The following ADGRL3 variants were observed in gnomAD, a reference collection of about 807,000 sequenced individuals.
ADGRL3 encodes calcium-independent alpha-latrotoxin receptor 3.
In ADGRL3, 62 loss-of-function variants were observed where a neutral mutation model predicts 153.5. The observed-to-expected ratio is 0.40, with a 90% CI of 0.33 to 0.50. The LOEUF is 0.50. Among genes scored for constraint, ADGRL3 ranks in the 20% least tolerant of loss-of-function variants. The probability of loss-of-function intolerance (pLI) is 0.47; values close to 1 mark genes in which losing one functional copy is unlikely to be tolerated. For missense variants in ADGRL3, 1,641 were observed against 1,859.4 expected (o/e 0.88, Z 2.16); for synonymous variants, 710 against 672.5 (o/e 1.06, Z -0.86).
intron 22 of ADGRL3, 30 bp from the exon 23 acceptor site, chr4:62,031,412 A>G (rs373820981): frequency 5.9e-6 from 9 of 1,536,150 alleles, no homozygotes; most frequent in Non-Finnish European, 7.9e-6. Flanking sequence ...CAATTATTTA[A>G]TAACCCTTAA....
intron 17 of ADGRL3, among the ~76,000 whole-genome samples, chr4:61,961,024 A>C (rs2098985912): frequency 6.6e-6 from 1 of 152,164 alleles, no homozygotes; most frequent in Non-Finnish European, 1.5e-5. Flanking sequence ...TTACATTAAA[A>C]TAAATCTGTA....
At chr4:62,051,168 G>GTATATATATATATATA in intron 25 of ADGRL3, among the ~76,000 whole-genome samples, 1 of 139,164 alleles carries the variant, frequency 7.2e-6, no homozygotes, top group South Asian at 2.3e-4. Flanking sequence ...GTGTGTGTGT[G>GTATATATATATATATA]TATATATATA....
At chr4:61,360,100 ATTTC>A (rs2096261237) in intron 1 of ADGRL3, among the ~76,000 whole-genome samples, 1 of 152,162 alleles carries the variant, frequency 6.6e-6, no homozygotes, top group Admixed American at 6.5e-5. Context: ...GAGTGAGGGT[ATTTC>A]TTTCTCTCAT....
At chr4:61,464,654 A>C (rs185942034) in intron 2 of ADGRL3, among the ~76,000 whole-genome samples, 8 of 152,308 alleles carry the variant, frequency 5.3e-5, no homozygotes, top group African/African-American at 1.4e-4. Flanking sequence ...TATATGACAT[A>C]ATACCCATTT....
chr4:61,979,889 A>T (rs1369460614), intron 18 of ADGRL3, 117 bp downstream of exon 18: 2 of 896,774 alleles, frequency 2.2e-6, no homozygotes, highest in African/African-American at 3.3e-5. Flanking sequence ...TCTAAGATAG[A>T]TACTAATTTT....
chr4:61,695,641 A>T (rs2095628651), intron 6 of ADGRL3, among the ~76,000 whole-genome samples: 1 of 152,122 alleles, frequency 6.6e-6, no homozygotes, highest in Non-Finnish European at 1.5e-5. Context: ...CTAATAAGAG[A>T]CTTAGCTTGT....
intron 2 of ADGRL3, among the ~76,000 whole-genome samples, chr4:61,482,491 G>A (rs1332258754): frequency 6.6e-6 from 1 of 152,078 alleles, no homozygotes; most frequent in Admixed American, 6.6e-5. Flanking sequence ...GCCAGTTTGG[G>A]TTACTGTGGA....
chr4:61,948,078 A>G lies in ADGRL3; in HGVS notation c.2629-22A>G. On this transcript the variant is annotated intron_variant, in intron 16 of 26. Transcript: ENST00000683033. ...TGATCATAAAGTAGTTGTTGATTTT[A>G]TGGATTTTTTTTCCCCTGTAGCAGT... 1.9e-6 allele frequency: 3 copies of G among 1,589,650 alleles called. 1 individual carries two copies. The South Asian group carries it at 3.4e-5, about 18-fold the overall frequency.
At chr4:61,270,292 T>G (rs2093092190) in intron 1 of ADGRL3, among the ~76,000 whole-genome samples, 1 of 151,648 alleles carries the variant, frequency 6.6e-6, no homozygotes, top group African/African-American at 2.4e-5. Context: ...GTTTTCTAGG[T>G]TTTCATAAAA....
intron 1 of ADGRL3, among the ~76,000 whole-genome samples, chr4:61,333,001 TC>T (rs1326388559): frequency 6.6e-6 from 1 of 152,110 alleles, no homozygotes; most frequent in Non-Finnish European, 1.5e-5. Context: ...GAGATTTATT[TC>T]CTCTGTTTCA....
chr4:61,225,146 T>A (rs1166912944), intron 1 of ADGRL3, among the ~76,000 whole-genome samples: 1 of 152,190 alleles, frequency 6.6e-6, no homozygotes. Flanking sequence ...AATTCAACCC[T>A]GGAATTTAGT....
intron 7 of ADGRL3, among the ~76,000 whole-genome samples, chr4:61,731,328 T>C (rs1189184291): frequency 6.6e-6 from 1 of 152,082 alleles, no homozygotes; most frequent in African/African-American, 2.4e-5. Context: ...TAGATTGTTT[T>C]CCATTGCATC....
intron 9 of ADGRL3, among the ~76,000 whole-genome samples, chr4:61,851,160 A>T (rs552445095): frequency 6.6e-6 from 1 of 152,306 alleles, no homozygotes; most frequent in African/African-American, 2.4e-5. Flanking sequence ...TTCTTTTTAA[A>T]TATACTGATA....
chr4:61,393,783 G>T (rs1430834501), intron 2 of ADGRL3, among the ~76,000 whole-genome samples: 2 of 152,056 alleles, frequency 1.3e-5, no homozygotes, highest in African/African-American at 4.8e-5. Flanking sequence ...GAAGAGGAAT[G>T]AAGAATAAAA....
At chr4:61,225,722 G>A (rs558408423) in intron 1 of ADGRL3, among the ~76,000 whole-genome samples, 58 of 152,228 alleles carry the variant, frequency 3.8e-4, no homozygotes, top group African/African-American at 1.3e-3. Flanking sequence ...GTGATATCCA[G>A]TTTCATTCCT....
At chr4:61,430,604 A>G (rs575659802) in intron 2 of ADGRL3, among the ~76,000 whole-genome samples, 2 of 152,286 alleles carry the variant, frequency 1.3e-5, no homozygotes, top group South Asian at 4.1e-4. Flanking sequence ...TGTACATTTT[A>G]ACATCGGTTG....
intron 2 of ADGRL3, among the ~76,000 whole-genome samples, chr4:61,486,564 T>C (rs1212627590): frequency 2.0e-5 from 3 of 152,164 alleles, no homozygotes; most frequent in African/African-American, 4.8e-5. Context: ...AGTTCCATCT[T>C]TGAGTTAGAA....
At position 61,579,697 on chromosome 4, in the gene ADGRL3, A is replaced by T. The variant is rs1579648245; in HGVS notation, c.260-7530A>T. ...TTTTCTATAAGTTCAGAAATTGTAT[A>T]TTAAAACATCTGAATTTCATGCTTT... On this transcript the variant is annotated intron_variant, in intron 4 of 26. Transcript: ENST00000683033. The T allele has an allele frequency of 1.2e-5, 5 of 428,386 alleles. No individual in the cohort carries two copies. The East Asian group carries it at 3.6e-4, about 31-fold the overall frequency. 26.5% of individuals were successfully genotyped at this position (428,386 alleles called of 1,614,324 possible). A position where few individuals can be genotyped will look rare whatever the true frequency, so the allele number is the denominator to read the frequency against.
chr4:61,318,552 C>T (rs2095285437), intron 1 of ADGRL3, among the ~76,000 whole-genome samples: 1 of 152,078 alleles, frequency 6.6e-6, no homozygotes, highest in South Asian at 2.1e-4. Flanking sequence ...GAGTCATCAC[C>T]CCTTTTTAGA....
Sources: gnomAD v4.1 joint callset for allele counts (sites outside exome capture counted in the v4.1 genomes callset) on GRCh38, gnomAD v4.1.1 for gene constraint, MANE v1.5 for transcripts, NCBI Gene and HGNC (gene_info 2026-07-23, HGNC 2026-07-21) for gene names.